Variants in PTPRD observed in about 807,000 individuals in gnomAD.
The protein encoded by PTPRD is receptor-type tyrosine-protein phosphatase delta.
In PTPRD, 34 loss-of-function variants were observed where a neutral mutation model predicts 214.5. The observed-to-expected ratio is 0.16, with a 90% confidence interval of 0.12 to 0.21. PTPRD has a LOEUF of 0.21. Ranked by LOEUF, PTPRD falls within the 10% of genes least tolerant of loss-of-function variation. The pLI is 1.00. For synonymous variants in PTPRD, 1,128 were observed against 845.7 expected (o/e 1.33, Z -5.79); for missense variants, 2,545 against 2,398.7 (o/e 1.06, Z -1.27).
At chr9:8,660,070 A>G (rs886562770) in intron 12 of PTPRD, among the ~76,000 whole-genome samples, 7 of 152,204 alleles carry the variant, frequency 4.6e-5, no homozygotes, top group Admixed American at 6.5e-5. Context: ...AGTCATTACC[A>G]CTTCCTAATG....
chr9:9,245,704 G>A (rs559611124), intron 9 of PTPRD, among the ~76,000 whole-genome samples: 1 of 152,168 alleles, frequency 6.6e-6, no homozygotes, highest in South Asian at 2.1e-4. Context: ...CACCAACATG[G>A]CACATGTATA....
At chr9:9,597,860 T>C (rs1463063503) in intron 7 of PTPRD, among the ~76,000 whole-genome samples, 1 of 151,898 alleles carries the variant, frequency 6.6e-6, no homozygotes, top group Non-Finnish European at 1.5e-5. Flanking sequence ...TAAAATGGAG[T>C]ATGCGAAATC....
At chr9:8,689,549 T>C (rs2097760996) in intron 12 of PTPRD, among the ~76,000 whole-genome samples, 1 of 152,164 alleles carries the variant, frequency 6.6e-6, no homozygotes, top group Non-Finnish European at 1.5e-5. Context: ...TGGGAATCCC[T>C]GATAATACCG....
At chr9:9,899,293 T>C (rs1267259270) in intron 5 of PTPRD, among the ~76,000 whole-genome samples, 2 of 152,000 alleles carry the variant, frequency 1.3e-5, no homozygotes, top group Non-Finnish European at 2.9e-5. Flanking sequence ...AGTACTGTAC[T>C]TCTGAACCGT....
At position 8,897,320 on chromosome 9, in the gene PTPRD, T is replaced by G. The variant is rs76473045; in HGVS notation, c.-104+121377A>C. On this transcript the variant is annotated intron_variant, in intron 11 of 45. Coordinates refer to ENST00000381196, the MANE Select transcript of PTPRD (RefSeq NM_002839.4). The stretch of plus-strand genomic sequence containing the variant: ...CATAAGAGAAGTTTACAAAGAGATG[T>G]TTTTTTTTCGTAGCATGGTCAGAAG... Among the ~76,000 whole-genome samples the G allele has an allele frequency of 4.5e-3, 664 of 148,794 alleles. 27 individuals are homozygous for G. Among genetic ancestry groups the G allele is most frequent in the Admixed American group, 0.041 (614 of 15,074 alleles).
chr9:10,099,314 T>C (rs534787531), intron 3 of PTPRD, among the ~76,000 whole-genome samples: 1 of 151,680 alleles, frequency 6.6e-6, no homozygotes, highest in South Asian at 2.1e-4. Flanking sequence ...ACCTGTAAAA[T>C]CGGAATAAAA....
intron 12 of PTPRD, among the ~76,000 whole-genome samples, chr9:8,731,557 T>A (rs1268804147): frequency 6.6e-6 from 1 of 152,222 alleles, no homozygotes; most frequent in Non-Finnish European, 1.5e-5. Flanking sequence ...TTTATTTCAG[T>A]GTTTGAAGAA....
At chr9:9,313,113 C>G (rs1443822201) in intron 9 of PTPRD, among the ~76,000 whole-genome samples, 2 of 151,934 alleles carry the variant, frequency 1.3e-5, no homozygotes, top group African/African-American at 4.8e-5. Context: ...GTTTTTGTGA[C>G]CAAAAATATA....
At chr9:9,412,206 G>A (rs60861740) in intron 8 of PTPRD, among the ~76,000 whole-genome samples, 32,574 of 151,946 alleles carry the variant, frequency 0.21, 3,717 homozygotes, top group South Asian at 0.29. Flanking sequence ...ACAGACAAAT[G>A]ACCCACTTTT....
chr9:10,429,715 T>C (rs1460628362), intron 2 of PTPRD, among the ~76,000 whole-genome samples: 1 of 148,300 alleles, frequency 6.7e-6, no homozygotes, highest in Admixed American at 6.8e-5. Context: ...AGTATAATGA[T>C]AGATAATGAA....
At chr9:8,710,879 G>C (rs1205146560) in intron 12 of PTPRD, among the ~76,000 whole-genome samples, 1 of 152,100 alleles carries the variant, frequency 6.6e-6, no homozygotes, top group South Asian at 2.1e-4. Flanking sequence ...AATAAAACTA[G>C]CCTTAAACTT....
At chr9:8,457,130 TA>T (rs1224761273) in intron 33 of PTPRD, among the ~76,000 whole-genome samples, 1 of 152,080 alleles carries the variant, frequency 6.6e-6, no homozygotes, top group East Asian at 1.9e-4. Context: ...GCATTATGAT[TA>T]AAAAGGTCTA....
chr9:9,773,587 A>G (rs548450691), intron 5 of PTPRD, among the ~76,000 whole-genome samples: 1 of 152,328 alleles, frequency 6.6e-6, no homozygotes, highest in East Asian at 1.9e-4. Flanking sequence ...TTCCCTCATT[A>G]TAAGGTACAT....
intron 2 of PTPRD, among the ~76,000 whole-genome samples, chr9:10,455,416 G>A (rs73390348): frequency 0.056 from 8,462 of 151,492 alleles, 331 homozygotes; most frequent in South Asian, 0.13. Context: ...ATGCAAAAAC[G>A]TCTAGCTCTA....
intron 11 of PTPRD, among the ~76,000 whole-genome samples, chr9:8,994,869 C>A (rs1170191750): frequency 6.6e-6 from 1 of 152,006 alleles, no homozygotes; most frequent in Non-Finnish European, 1.5e-5. Context: ...CTTAGTTGTT[C>A]TACTTATATC....
rs371833744 is a variant in PTPRD at position 8,854,814 on chromosome 9, A to T, written c.-103-120868T>A. 5.9e-5 allele frequency among the ~76,000 whole-genome samples: 9 copies of T among 152,342 alleles called. No individual in the cohort carries two copies. In the East Asian group the frequency reaches 1.7e-3, roughly 29 times the overall value. On this transcript the variant is annotated intron_variant, in intron 11 of 45. Transcript: ENST00000381196. ...ATCAATCTATGCCTATACTTCCCTT[A>T]AAGTAATTCTGCTTCATTTATCTTT...
intron 2 of PTPRD, among the ~76,000 whole-genome samples, chr9:10,476,249 C>T (rs1013984376): frequency 6.6e-6 from 1 of 152,082 alleles, no homozygotes; most frequent in Non-Finnish European, 1.5e-5. Flanking sequence ...AGTCTCAGCC[C>T]AAAAACTCCT....
At chr9:9,703,388 A>T (rs2097538616) in intron 7 of PTPRD, among the ~76,000 whole-genome samples, 1 of 152,104 alleles carries the variant, frequency 6.6e-6, no homozygotes, top group Admixed American at 6.6e-5. Flanking sequence ...TGATACTCTA[A>T]ATTTATCTGA....
At chr9:8,782,246 C>G (rs995842375) in intron 11 of PTPRD, among the ~76,000 whole-genome samples, 1 of 152,056 alleles carries the variant, frequency 6.6e-6, no homozygotes, top group African/African-American at 2.4e-5. Context: ...ATTAAAATAT[C>G]TATGCCTCAC....
Sources: allele counts gnomAD v4.1 joint callset (sites outside exome capture counted in the v4.1 genomes callset), GRCh38; gene constraint gnomAD v4.1.1; transcripts MANE v1.5; gene names NCBI Gene and HGNC (gene_info 2026-07-23, HGNC 2026-07-21).